AGBL4: variants seen among roughly 807,000 people sequenced by gnomAD.
AGBL4 encodes the protein AGBL carboxypeptidase 4.
A neutral mutation model predicts 66.4 loss-of-function variants in AGBL4; 58 were observed. The observed-to-expected ratio is 0.87, with a 90% confidence interval of 0.71 to 1.09. The LOEUF is 1.09. Ranked by LOEUF, AGBL4 falls within the 50% of genes least tolerant of loss-of-function variation. The pLI is 0.00. For missense variants in AGBL4, 579 were observed against 631.0 expected (o/e 0.92, Z 0.88); for synonymous variants, 234 against 222.9 (o/e 1.05, Z -0.44).
At chr1:49,384,688 AC>A (rs1570585495) in intron 3 of AGBL4, among the ~76,000 whole-genome samples, 1 of 152,194 alleles carries the variant, frequency 6.6e-6, no homozygotes, top group Non-Finnish European at 1.5e-5. Flanking sequence ...GCAAGTCAAA[AC>A]CACAATACCT....
chr1:49,602,921 G>A (rs1409388930), intron 3 of AGBL4, among the ~76,000 whole-genome samples: 2 of 152,050 alleles, frequency 1.3e-5, no homozygotes, highest in East Asian at 3.9e-4. Flanking sequence ...TACCAAACGA[G>A]GATCACGTCT....
chr1:50,001,453 G>A (rs1412848218), intron 1 of AGBL4, among the ~76,000 whole-genome samples: 1 of 150,874 alleles, frequency 6.6e-6, no homozygotes, highest in African/African-American at 2.4e-5. Flanking sequence ...CTGTATATGT[G>A]TGTGTGTCCG....
intron 4 of AGBL4, among the ~76,000 whole-genome samples, chr1:49,087,233 G>A (rs1571414020): frequency 6.6e-6 from 1 of 152,124 alleles, no homozygotes; most frequent in African/African-American, 2.4e-5. Flanking sequence ...GGTTCTTAAC[G>A]AGGCTGAAAT....
At chr1:49,170,001 A>G (rs775656756) in intron 4 of AGBL4, among the ~76,000 whole-genome samples, 69 of 151,952 alleles carry the variant, frequency 4.5e-4, no homozygotes, top group Non-Finnish European at 8.7e-4. Context: ...GCAGGAGGGG[A>G]GTGAGGGATT....
chr1:48,730,551 G>C, intron 6 of AGBL4, among the ~76,000 whole-genome samples: 1 of 152,148 alleles, frequency 6.6e-6, no homozygotes, highest in South Asian at 2.1e-4. Flanking sequence ...GGAGCCCCTA[G>C]CATTAGTCAG....
intron 3 of AGBL4, among the ~76,000 whole-genome samples, chr1:49,340,590 C>A (rs545303425): frequency 2.5e-4 from 38 of 152,282 alleles, no homozygotes; most frequent in Admixed American, 2.4e-3. Context: ...AATTTCTCTC[C>A]TTTTCATACA....
chr1:49,205,260 G>A (rs899246166), intron 4 of AGBL4, among the ~76,000 whole-genome samples: 4 of 152,068 alleles, frequency 2.6e-5, no homozygotes, highest in African/African-American at 9.7e-5. Flanking sequence ...AGGACACAGA[G>A]GAGGGCAGCA....
intron 6 of AGBL4, among the ~76,000 whole-genome samples, chr1:48,756,025 T>C (rs1197379690): frequency 1.3e-5 from 2 of 152,210 alleles, no homozygotes; most frequent in Non-Finnish European, 2.9e-5. Flanking sequence ...AAGTTAACCC[T>C]GTCTTAGCTC....
chr1:48,532,565 T>C (rs915532743), downstream of AGBL4, among the ~76,000 whole-genome samples: 2 of 152,206 alleles, frequency 1.3e-5, no homozygotes, highest in South Asian at 2.1e-4. Flanking sequence ...ATTGCCTCTC[T>C]CATCTTATGC....
chr1:49,681,035 G>A (rs983450402), intron 3 of AGBL4, among the ~76,000 whole-genome samples: 1 of 151,158 alleles, frequency 6.6e-6, no homozygotes, highest in Non-Finnish European at 1.5e-5. Flanking sequence ...TTCATTTATT[G>A]TATTTTCCAG....
At chr1:49,117,092 T>A (rs1480463185) in intron 4 of AGBL4, among the ~76,000 whole-genome samples, 1 of 152,068 alleles carries the variant, frequency 6.6e-6, no homozygotes, top group East Asian at 1.9e-4. Flanking sequence ...TAAATTTGTT[T>A]GAGTTCTTTG....
chr1:49,770,981 AT>A (rs891169131), intron 2 of AGBL4, among the ~76,000 whole-genome samples: 10 of 151,698 alleles, frequency 6.6e-5, no homozygotes, highest in Admixed American at 4.6e-4. Context: ...TGATTTTTAA[AT>A]TTTTTTTAGT....
At chr1:49,635,181 C>T (rs542103443) in intron 3 of AGBL4, among the ~76,000 whole-genome samples, 1 of 152,232 alleles carries the variant, frequency 6.6e-6, no homozygotes, top group Admixed American at 6.5e-5. Flanking sequence ...GTGGCATTTG[C>T]TGAGTTCTAA....
At chr1:49,742,391 G>A (rs1243122609) in intron 2 of AGBL4, among the ~76,000 whole-genome samples, 5 of 152,264 alleles carry the variant, frequency 3.3e-5, no homozygotes, top group East Asian at 3.9e-4. Context: ...ACTGCTCAAC[G>A]AAATAAAAGA....
chr1:48,530,845 T>A (rs1291418036), downstream of AGBL4, among the ~76,000 whole-genome samples: 1 of 152,184 alleles, frequency 6.6e-6, no homozygotes, highest in Non-Finnish European at 1.5e-5. Context: ...GAACACTGCT[T>A]TGGTGGCCAG....
At chr1:49,956,063 T>C (rs1656578621) in intron 1 of AGBL4, among the ~76,000 whole-genome samples, 1 of 151,950 alleles carries the variant, frequency 6.6e-6, no homozygotes, top group South Asian at 2.1e-4. Context: ...TAAATGTTAT[T>C]ATTGGCTGTA....
intron 3 of AGBL4, among the ~76,000 whole-genome samples, chr1:49,554,836 C>T (rs1653279266): frequency 6.6e-6 from 1 of 152,050 alleles, no homozygotes; most frequent in South Asian, 2.1e-4. Context: ...AAGCTGCAGA[C>T]CTTCGGGTGA....
chr1:48,999,961 A>G (rs1009090840), intron 5 of AGBL4, among the ~76,000 whole-genome samples: 2 of 152,100 alleles, frequency 1.3e-5, no homozygotes, highest in Non-Finnish European at 2.9e-5. Flanking sequence ...GTCTTTGTAG[A>G]TGGTGTTCTC....
intron 2 of AGBL4, among the ~76,000 whole-genome samples, chr1:49,832,861 T>G (rs1017262545): frequency 2.6e-5 from 4 of 152,270 alleles, no homozygotes; most frequent in African/African-American, 7.2e-5. Flanking sequence ...TCTTATAAAT[T>G]TGTTTGAGTT....
Sources: gnomAD v4.1 joint callset for allele counts (sites outside exome capture counted in the v4.1 genomes callset) on GRCh38, gnomAD v4.1.1 for gene constraint, MANE v1.5 for transcripts, NCBI Gene and HGNC (gene_info 2026-07-23, HGNC 2026-07-21) for gene names.